MVB12B: variants seen among roughly 807,000 people sequenced by gnomAD.
MVB12B encodes multivesicular body subunit 12B.
A neutral mutation model predicts 41.6 loss-of-function variants in MVB12B; 16 were observed. The ratio of observed to expected loss-of-function variants is 0.38; its 90% confidence interval spans 0.26 to 0.58. MVB12B has a LOEUF of 0.58. Ranked by LOEUF, MVB12B falls within the 20% of genes least tolerant of loss-of-function variation. MVB12B has a pLI of 0.62. For missense variants in MVB12B, 274 were observed against 380.2 expected, an observed-to-expected ratio of 0.72 and a Z score of 2.32; for synonymous variants, 133 against 139.7, an observed-to-expected ratio of 0.95 and a Z score of 0.34.
In MVB12B at chr9:126,333,899, A is replaced by T. The variant is rs577213598; in HGVS notation, c.82-6609A>T. Among the ~76,000 whole-genome samples, 1 of 152,120 alleles carries T rather than the reference A, an allele frequency of 6.6e-6. No homozygotes were observed. Among genetic ancestry groups the T allele is most frequent in the East Asian group, 1.9e-4 (1 of 5,176 alleles). On this transcript the variant is annotated intron_variant, in intron 1 of 9. Coordinates refer to ENST00000361171, the MANE Select transcript of MVB12B (RefSeq NM_033446.3). This position sits in a 1 kb window ranked among gnomAD's most constrained non-coding sequence, Gnocchi z 4.7. Reference sequence around the variant, plus strand: ...CATCCATCCATCCATTCGTTCATCAAATACCTGATGAATACCTGCTCTCTT... The same window carrying T: ...CATCCATCCATCCATTCGTTCATCATATACCTGATGAATACCTGCTCTCTT...
At chr9:126,461,747 G>A (rs1833095038) in intron 7 of MVB12B, among the ~76,000 whole-genome samples, 1 of 152,124 alleles carries the variant, frequency 6.6e-6, no homozygotes, top group African/African-American at 2.4e-5. Flanking sequence ...GTGGAGGTGG[G>A]AGCCTGGGCG....
chr9:126,484,136 T>G, intron 9 of MVB12B, 104 bp downstream of exon 9: 1 of 1,069,350 alleles, frequency 9.4e-7, no homozygotes, highest in Non-Finnish European at 1.4e-6. Flanking sequence ...GAGGGACAGG[T>G]GGAGGTGTTC....
chr9:126,491,979 G>A (rs1456981355), intron 9 of MVB12B, among the ~76,000 whole-genome samples: 1 of 151,904 alleles, frequency 6.6e-6, no homozygotes, highest in East Asian at 1.9e-4. Context: ...ATTCTAAGCA[G>A]CTCCCCTGCC....
chr9:126,327,403 T>G, intron 1 of MVB12B: 1 of 881,758 alleles, frequency 1.1e-6, no homozygotes. Flanking sequence ...GGGGTCCTGC[T>G]CTCTCTGGTC....
intron 2 of MVB12B, among the ~76,000 whole-genome samples, chr9:126,372,122 C>T (rs1830358417): frequency 6.6e-6 from 1 of 152,222 alleles, no homozygotes; most frequent in African/African-American, 2.4e-5. Context: ...TTCATGTAAA[C>T]AAAATAATGT....
intron 2 of MVB12B, among the ~76,000 whole-genome samples, chr9:126,372,720 G>GA (rs1177409969): frequency 6.6e-6 from 1 of 152,130 alleles, no homozygotes; most frequent in Non-Finnish European, 1.5e-5. Flanking sequence ...AGTGACTTTG[G>GA]AAAACCCTAG....
chr9:126,414,542 G>A (rs769081797), intron 6 of MVB12B, among the ~76,000 whole-genome samples: 2 of 152,212 alleles, frequency 1.3e-5, no homozygotes, highest in Non-Finnish European at 2.9e-5. Flanking sequence ...TGGCAGACAT[G>A]GTTGTCCTCT....
chr9:126,357,731 C>G (rs575591296), intron 2 of MVB12B, among the ~76,000 whole-genome samples: 2 of 151,904 alleles, frequency 1.3e-5, no homozygotes, highest in Admixed American at 6.6e-5. Context: ...AAGTACAATT[C>G]CTTTGTTGGA....
At position 126,449,037 on chromosome 9, in the gene MVB12B, G is replaced by A. The variant is rs550446654; in HGVS notation, c.757+27089G>A. ...AGGGCAGGGGTTTTAGAGACTGGCT[G>A]CCTCCCTGGCTGGACATGATCCCAT... On this transcript the variant is annotated intron_variant, in intron 7 of 9. Transcript: ENST00000361171. 2.4e-4 allele frequency among the ~76,000 whole-genome samples: 36 copies of A among 152,324 alleles called. 1 individual carries two copies. In the South Asian group the frequency reaches 7.3e-3, roughly 31 times the overall value.
At chr9:126,408,691 C>T (rs1050538450) in intron 6 of MVB12B, among the ~76,000 whole-genome samples, 2 of 152,090 alleles carry the variant, frequency 1.3e-5, no homozygotes, top group African/African-American at 4.8e-5. Context: ...CCCATGTGTG[C>T]ACTCAGCCCT....
intron 2 of MVB12B, among the ~76,000 whole-genome samples, chr9:126,373,712 G>A (rs1197130416): frequency 6.6e-6 from 1 of 152,118 alleles, no homozygotes; most frequent in Non-Finnish European, 1.5e-5. Flanking sequence ...TCCTCTTTAG[G>A]TGGCTTAGTT....
intron 2 of MVB12B, among the ~76,000 whole-genome samples, chr9:126,350,140 C>A (rs1205313165): frequency 3.9e-5 from 6 of 152,150 alleles, no homozygotes; most frequent in African/African-American, 1.4e-4. Context: ...TGTATGTCTT[C>A]CATGAAAATT....
chr9:126,487,737 G>A (rs1295598200), intron 9 of MVB12B, among the ~76,000 whole-genome samples: 5 of 150,096 alleles, frequency 3.3e-5, no homozygotes, highest in African/African-American at 9.8e-5. Flanking sequence ...ATTGCATTCC[G>A]GCCTGGGCCA....
chr9:126,409,579 A>C (rs1831564435), intron 6 of MVB12B, among the ~76,000 whole-genome samples: 1 of 152,204 alleles, frequency 6.6e-6, no homozygotes, highest in Admixed American at 6.5e-5. Flanking sequence ...ACTTAGCCTA[A>C]GCATGAGCAG....
intron 7 of MVB12B, among the ~76,000 whole-genome samples, chr9:126,465,325 CG>C (rs754215978): frequency 5.3e-5 from 8 of 152,202 alleles, no homozygotes; most frequent in Non-Finnish European, 1.2e-4. Context: ...TTAGAATCAC[CG>C]GGGAGCTTTG....
chr9:126,426,648 G>A (rs10819157), intron 7 of MVB12B, among the ~76,000 whole-genome samples: 151,510 of 152,210 alleles, frequency 1, 75,413 homozygotes, highest in Middle Eastern at 1. Context: ...ATCTATTCCA[G>A]AAGGATTTAA....
chr9:126,462,433 T>C (rs1179805573), intron 7 of MVB12B, among the ~76,000 whole-genome samples: 1 of 152,220 alleles, frequency 6.6e-6, no homozygotes, highest in Non-Finnish European at 1.5e-5. Flanking sequence ...CAGAGATGAT[T>C]TCAGAGAACA....
chr9:126,422,034 G>T, intron 7 of MVB12B, 86 bp downstream of exon 7: 2 of 934,678 alleles, frequency 2.1e-6, no homozygotes, highest in Non-Finnish European at 1.7e-6. Context: ...CTTCTCGTGG[G>T]ATCTGTCTGC....
At chr9:126,441,615 A>C (rs534994107) in intron 7 of MVB12B, among the ~76,000 whole-genome samples, 1 of 152,232 alleles carries the variant, frequency 6.6e-6, no homozygotes, top group African/African-American at 2.4e-5. Flanking sequence ...AAAATCCGCA[A>C]TTTGCATTAG....
Sources: allele counts gnomAD v4.1 joint callset (sites outside exome capture counted in the v4.1 genomes callset), GRCh38; gene constraint gnomAD v4.1.1; non-coding constraint Gnocchi (gnomAD v3.1); transcripts MANE v1.5; gene names NCBI Gene and HGNC (gene_info 2026-07-23, HGNC 2026-07-21).